The following DSE variants were observed in gnomAD, a reference collection of about 807,000 sequenced individuals.
The protein encoded by DSE is dermatan sulfate epimerase, also known as dermatan-sulfate epimerase.
DSE carries 36 observed loss-of-function variants against 84.4 expected under a neutral mutation model. The ratio of observed to expected loss-of-function variants is 0.43; its 90% CI spans 0.33 to 0.56. The LOEUF (loss-of-function observed/expected upper bound fraction) is 0.56. Among genes scored for constraint, DSE ranks in the 20% least tolerant of loss-of-function variants. The pLI, the probability that DSE is intolerant of heterozygous loss-of-function variation, is 0.06. For synonymous variants in DSE, 410 were observed against 430.1 expected, an observed-to-expected ratio of 0.95 and a Z score of 0.58; for missense variants, 862 against 1,169.6, an observed-to-expected ratio of 0.74 and a Z score of 3.84.
At chr6:116,426,915 TA>T in intron 3 of DSE, 88 bp downstream of exon 3, 1 of 1,494,556 alleles carries the variant, frequency 6.7e-7, no homozygotes, top group Non-Finnish European at 8.9e-7. Flanking sequence ...TAACCATTCT[TA>T]GTACATGTTC....
At chr6:116,387,999 C>G (rs1472079844) in intron 1 of DSE, among the ~76,000 whole-genome samples, 1 of 152,082 alleles carries the variant, frequency 6.6e-6, no homozygotes, top group African/African-American at 2.4e-5. Flanking sequence ...AAGGGCTTGG[C>G]CTGAGCAGCT....
chr6:116,370,184 G>A (rs191820692), upstream of DSE: 62 of 308,374 alleles, frequency 2.0e-4, no homozygotes, highest in African/African-American at 1.3e-3. Flanking sequence ...GGTGCATGAG[G>A]GATCTCTCTC....
At chr6:116,373,234 G>A (rs938153773) in intron 1 of DSE, among the ~76,000 whole-genome samples, 3 of 152,042 alleles carry the variant, frequency 2.0e-5, no homozygotes, top group Admixed American at 6.6e-5. Flanking sequence ...GTGGTGTCGC[G>A]CGCCTGTAGT....
chr6:116,380,733 T>G (rs1780172001), intron 1 of DSE, among the ~76,000 whole-genome samples: 1 of 152,194 alleles, frequency 6.6e-6, no homozygotes, highest in Non-Finnish European at 1.5e-5. Flanking sequence ...TCCCAGCAGT[T>G]TATACCTGAG....
chr6:116,263,469 A>G (rs1043195691), intron 2 of DSE, among the ~76,000 whole-genome samples: 4 of 151,388 alleles, frequency 2.6e-5, no homozygotes, highest in Non-Finnish European at 4.4e-5. Flanking sequence ...AATTTTCTCC[A>G]TCCCTTTATT....
At chr6:116,273,733 C>A (rs1357712103) in intron 2 of DSE, among the ~76,000 whole-genome samples, 1 of 152,126 alleles carries the variant, frequency 6.6e-6, no homozygotes, top group African/African-American at 2.4e-5. Flanking sequence ...CAAAGACAAC[C>A]TTTACTATCC....
At chr6:116,287,425 G>A (rs1354797843) in intron 2 of DSE, among the ~76,000 whole-genome samples, 1 of 151,814 alleles carries the variant, frequency 6.6e-6, no homozygotes, top group Non-Finnish European at 1.5e-5. Context: ...AAATAATTAT[G>A]TATAAGAATG....
intron 2 of DSE, among the ~76,000 whole-genome samples, chr6:116,409,912 G>A (rs9488923): frequency 0.34 from 52,347 of 151,928 alleles, 9,449 homozygotes; most frequent in Middle Eastern, 0.38. Flanking sequence ...AGTAGCTGCT[G>A]TACAAAGGCC....
upstream of DSE, among the ~76,000 whole-genome samples, chr6:116,367,875 A>C (rs1046351096): frequency 6.6e-6 from 1 of 152,192 alleles, no homozygotes; most frequent in Non-Finnish European, 1.5e-5. Flanking sequence ...ACACTAAAAA[A>C]CTGGAGGTGG....
At chr6:116,323,768 G>T (rs1421645956) in intron 2 of DSE, among the ~76,000 whole-genome samples, 1 of 152,100 alleles carries the variant, frequency 6.6e-6, no homozygotes, top group East Asian at 1.9e-4. Context: ...AAATTAAGTT[G>T]GCAATAAGTT....
chr6:116,317,033 G>A (rs1489607286), intron 2 of DSE, among the ~76,000 whole-genome samples: 1 of 152,116 alleles, frequency 6.6e-6, no homozygotes, highest in Non-Finnish European at 1.5e-5. Context: ...GGATCCCAGA[G>A]AGGCTGGAAG....
chr6:116,305,671 C>T (rs1775300589), intron 2 of DSE, among the ~76,000 whole-genome samples: 1 of 152,052 alleles, frequency 6.6e-6, no homozygotes, highest in East Asian at 1.9e-4. Context: ...GAGTTTCGCT[C>T]TTGTTGCCCA....
At chr6:116,339,139 G>A (rs955776642) in intron 2 of DSE, among the ~76,000 whole-genome samples, 23 of 152,218 alleles carry the variant, frequency 1.5e-4, no homozygotes, top group African/African-American at 4.6e-4. Context: ...AGTCCTGTCC[G>A]TCTGTTCATC....
intron 2 of DSE, chr6:116,278,998 A>G: frequency 6.2e-7 from 1 of 1,614,094 alleles, no homozygotes; most frequent in East Asian, 2.2e-5. Flanking sequence ...AGTCATCCAG[A>G]AGCCCGGGAT....
At chr6:116,396,102 T>C (rs1021784663) in intron 1 of DSE, among the ~76,000 whole-genome samples, 8 of 152,324 alleles carry the variant, frequency 5.3e-5, no homozygotes, top group African/African-American at 1.9e-4. Context: ...AGTTTCTCCA[T>C]GCTTATTTTA....
At chr6:116,362,647 T>C (rs1778970616) in intron 2 of DSE, among the ~76,000 whole-genome samples, 1 of 152,206 alleles carries the variant, frequency 6.6e-6, no homozygotes, top group Non-Finnish European at 1.5e-5. Context: ...ATTTCTATTG[T>C]TTTAGCCATC....
chr6:116,414,639 C>G (rs1046076170), intron 2 of DSE, among the ~76,000 whole-genome samples: 2 of 151,848 alleles, frequency 1.3e-5, no homozygotes, highest in Admixed American at 1.3e-4. Flanking sequence ...CTCGAACTCC[C>G]GACCTCAGGT....
At chr6:116,273,559 AG>A (rs1306712256) in intron 2 of DSE, among the ~76,000 whole-genome samples, 7 of 152,214 alleles carry the variant, frequency 4.6e-5, no homozygotes, top group African/African-American at 1.7e-4. Flanking sequence ...GTTGAAGGAA[AG>A]GAAGTCAGTC....
At chr6:116,389,875 T>C (rs1268755331) in intron 1 of DSE, among the ~76,000 whole-genome samples, 1 of 152,144 alleles carries the variant, frequency 6.6e-6, no homozygotes, top group African/African-American at 2.4e-5. Flanking sequence ...GTTCAATAGG[T>C]TAAATAAATT....
Sources: gnomAD v4.1 joint callset for allele counts (sites outside exome capture counted in the v4.1 genomes callset) on GRCh38, gnomAD v4.1.1 for gene constraint, MANE v1.5 for transcripts, NCBI Gene and HGNC (gene_info 2026-07-23, HGNC 2026-07-21) for gene names.